Variants in ITGB5 observed in about 807,000 individuals in gnomAD.
ITGB5 encodes the protein integrin beta-5.
A neutral mutation model predicts 84.8 loss-of-function variants in ITGB5; 38 were observed. That is an observed-to-expected ratio of 0.45 (90% CI 0.35 to 0.59). The LOEUF (loss-of-function observed/expected upper bound fraction) is 0.59. Ranked by LOEUF, ITGB5 falls within the 20% of genes least tolerant of loss-of-function variation. The probability of loss-of-function intolerance (pLI) is 0.01; values close to 1 mark genes in which losing one functional copy is unlikely to be tolerated. For synonymous variants in ITGB5, 393 were observed against 414.4 expected (o/e 0.95, Z 0.63); for missense variants, 905 against 1,034.5 (o/e 0.87, Z 1.72).
intron 1 of ITGB5, among the ~76,000 whole-genome samples, chr3:124,876,228 A>G (rs1934305455): frequency 6.6e-6 from 1 of 152,234 alleles, no homozygotes; most frequent in Non-Finnish European, 1.5e-5. Context: ...CACTACAAAT[A>G]TATACATATA....
At chr3:124,868,948 T>C (rs1370493678) in intron 2 of ITGB5, among the ~76,000 whole-genome samples, 2 of 152,140 alleles carry the variant, frequency 1.3e-5, no homozygotes, top group Admixed American at 1.3e-4. Context: ...GATGGACTCA[T>C]ACATGATACC....
rs571746944 is a variant in ITGB5, at chr3:124,814,152, T to C, written c.1128+3469A>G. On this transcript the variant is annotated intron_variant, in intron 8 of 14. Coordinates refer to ENST00000296181, the MANE Select transcript of ITGB5 (RefSeq NM_002213.5). ...AGAGACCTATATATATATCTTATCG[T>C]ACCACAGTATCACAGGTTCTAATCA... 3.3e-5 allele frequency among the ~76,000 whole-genome samples: 5 copies of C among 152,278 alleles called. No individual in the cohort carries two copies. The East Asian group carries it at 9.6e-4, about 29-fold the overall frequency.
intron 4 of ITGB5, among the ~76,000 whole-genome samples, chr3:124,843,222 A>G (rs1355528130): frequency 6.6e-6 from 1 of 152,180 alleles, no homozygotes; most frequent in African/African-American, 2.4e-5. Flanking sequence ...CTGAGGTCCC[A>G]TCTGTAGCTA....
intron 10 of ITGB5, among the ~76,000 whole-genome samples, chr3:124,775,277 T>A (rs2063908675): frequency 7.0e-6 from 1 of 143,656 alleles, no homozygotes; most frequent in African/African-American, 2.5e-5. Flanking sequence ...TAAGTGTATG[T>A]TTGTGAGTGG....
intron 1 of ITGB5, chr3:124,878,567 G>T (rs560712970): frequency 1.9e-5 from 1 of 51,488 alleles, no homozygotes; most frequent in Admixed American, 1.7e-4. Flanking sequence ...GCACTGGACT[G>T]GGGGGATGCT....
chr3:124,877,137 A>ATTTTTT (rs34843039), intron 1 of ITGB5, among the ~76,000 whole-genome samples: 2 of 126,742 alleles, frequency 1.6e-5, no homozygotes, highest in African/African-American at 6.0e-5. Context: ...CACCTGGCTA[A>ATTTTTT]TTTTTTTTTT....
At chr3:124,886,426 T>C (rs1363303523) in intron 1 of ITGB5, among the ~76,000 whole-genome samples, 1 of 152,100 alleles carries the variant, frequency 6.6e-6, no homozygotes, top group Non-Finnish European at 1.5e-5. Context: ...CTGTGGGCCC[T>C]GTGCACCCGC....
intron 5 of ITGB5, among the ~76,000 whole-genome samples, chr3:124,835,742 G>A (rs911299916): frequency 2.0e-5 from 3 of 152,198 alleles, no homozygotes; most frequent in East Asian, 3.8e-4. Flanking sequence ...TTGGAAAAGT[G>A]ACACAAGTCT....
chr3:124,887,874 G>C, upstream of ITGB5: 1 of 268,858 alleles, frequency 3.7e-6, no homozygotes, highest in Admixed American at 4.4e-5. Flanking sequence ...GGGAGGGCGT[G>C]GTGGGGCGTG....
At chr3:124,807,235 G>A (rs1197847253) in intron 9 of ITGB5, among the ~76,000 whole-genome samples, 1 of 152,184 alleles carries the variant, frequency 6.6e-6, no homozygotes, top group African/African-American at 2.4e-5. Context: ...GAGCAACATG[G>A]TGAAACTCCG....
chr3:124,805,582 G>C (rs1000845309), intron 9 of ITGB5, among the ~76,000 whole-genome samples: 2 of 152,128 alleles, frequency 1.3e-5, no homozygotes, highest in African/African-American at 2.4e-5. Flanking sequence ...CTCCTGAGCA[G>C]CTGGGACCAC....
chr3:124,767,061 C>T (rs1030698248), intron 12 of ITGB5, among the ~76,000 whole-genome samples: 1 of 152,236 alleles, frequency 6.6e-6, no homozygotes, highest in Non-Finnish European at 1.5e-5. Flanking sequence ...CCTGTCCAGG[C>T]ATTACCTACA....
chr3:124,856,960 G>A (rs1038912776), intron 3 of ITGB5, among the ~76,000 whole-genome samples: 1 of 152,194 alleles, frequency 6.6e-6, no homozygotes, highest in African/African-American at 2.4e-5. Flanking sequence ...CAAAAAGGCT[G>A]AGTGTTGCTT....
intron 10 of ITGB5, among the ~76,000 whole-genome samples, chr3:124,786,652 G>C (rs747314406): frequency 6.6e-6 from 1 of 152,132 alleles, no homozygotes; most frequent in Non-Finnish European, 1.5e-5. Context: ...AAACCTTTGA[G>C]CAGATCAGAC....
At position 124,795,699 on chromosome 3, in the gene ITGB5, G is replaced by A. The variant is rs553402533; in HGVS notation, c.1693+689C>T. Among the ~76,000 whole-genome samples, 87 of 152,250 alleles carry A rather than the reference G, an allele frequency of 5.7e-4. No homozygotes were observed. In the Middle Eastern group the frequency reaches 0.031, roughly 54 times the overall value. ...CAAGGGTCTGTAGGAGAGGGAGAAG[G>A]ATTTGACAACAGAAGCAGAGGTCAG... On this transcript the variant is annotated intron_variant, in intron 10 of 14. Transcript: ENST00000296181.
At chr3:124,894,019 A>G (rs1320026579) in intron 1 of ITGB5, among the ~76,000 whole-genome samples, 1 of 152,044 alleles carries the variant, frequency 6.6e-6, no homozygotes, top group Admixed American at 6.6e-5. Flanking sequence ...TTGAAAGGTT[A>G]ATTTTGAAAA....
rs143214530 is a variant in ITGB5 at position 124,817,407 on chromosome 3, G to A, written c.1128+214C>T. ...AGATCTGCAGATGAGAGTCAAGATGGCAGAGGTGAGAGGGAGACTCATCAA... is the reference window on the plus strand; with the variant it reads ...AGATCTGCAGATGAGAGTCAAGATGACAGAGGTGAGAGGGAGACTCATCAA... On this transcript the variant is annotated intron_variant, in intron 8 of 14. Transcript: ENST00000296181. 1.8e-4 allele frequency among the ~76,000 whole-genome samples: 28 copies of A among 152,284 alleles called. 1 individual carries two copies. The East Asian group carries it at 5.4e-3, about 30-fold the overall frequency.
At chr3:124,808,464 CA>C (rs1427319472) in intron 9 of ITGB5, among the ~76,000 whole-genome samples, 1 of 152,184 alleles carries the variant, frequency 6.6e-6, no homozygotes, top group Non-Finnish European at 1.5e-5. Context: ...CTCCCTCACG[CA>C]AGTCCTTGGT....
At chr3:124,785,584 C>CAAAAAAAAAAAAAAAAAAACAAAAA (rs11372347) in intron 10 of ITGB5, among the ~76,000 whole-genome samples, 1 of 95,104 alleles carries the variant, frequency 1.1e-5, no homozygotes. Context: ...GACTCCATCT[C>CAAAAAAAAAAAAAAAAAAACAAAAA]AAAAAAAAAA....
Sources: allele counts gnomAD v4.1 joint callset (sites outside exome capture counted in the v4.1 genomes callset), GRCh38; gene constraint gnomAD v4.1.1; transcripts MANE v1.5; gene names NCBI Gene and HGNC (gene_info 2026-07-23, HGNC 2026-07-21).